The following VRK2 variants were observed in gnomAD, a reference collection of about 807,000 sequenced individuals.
VRK2 encodes serine/threonine-protein kinase VRK2.
In VRK2, 60 loss-of-function variants were observed where a neutral mutation model predicts 57.6. The observed-to-expected ratio is 1.04, with a 90% CI of 0.85 to 1.29. The LOEUF (loss-of-function observed/expected upper bound fraction) is 1.29. VRK2 is among the 50% of genes most tolerant of loss of function. The pLI, the probability that VRK2 is intolerant of heterozygous loss-of-function variation, is 0.00. For synonymous variants in VRK2, 231 were observed against 199.2 expected (o/e 1.16, Z -1.35); for missense variants, 705 against 588.1 (o/e 1.20, Z -2.06).
At chr2:58,051,745 A>T (rs1366662960) in intron 2 of VRK2, among the ~76,000 whole-genome samples, 1 of 152,204 alleles carries the variant, frequency 6.6e-6, no homozygotes. Flanking sequence ...GCCTTTCGGT[A>T]ATCAGCAGCT....
intron 1 of VRK2, among the ~76,000 whole-genome samples, chr2:57,995,337 C>T (rs1672891961): frequency 6.6e-6 from 1 of 152,192 alleles, no homozygotes; most frequent in African/African-American, 2.4e-5. Context: ...CACCACCAAT[C>T]TCAATAGAAA....
At chr2:58,109,864 A>AAT (rs1036146514) in intron 7 of VRK2, among the ~76,000 whole-genome samples, 8 of 151,642 alleles carry the variant, frequency 5.3e-5, no homozygotes, top group Non-Finnish European at 8.8e-5. Context: ...TCTGTATGTA[A>AAT]ATATATATAT....
chr2:58,038,982 T>C (rs1193179554), intron 3 of VRK2, among the ~76,000 whole-genome samples: 1 of 152,138 alleles, frequency 6.6e-6, no homozygotes, highest in Non-Finnish European at 1.5e-5. Context: ...ATGATACATC[T>C]ACACTATGGA....
At chr2:58,130,931 G>C (rs990308257) in intron 8 of VRK2, among the ~76,000 whole-genome samples, 2 of 151,800 alleles carry the variant, frequency 1.3e-5, no homozygotes, top group Admixed American at 1.3e-4. Context: ...ACATTTCCTA[G>C]GTTTCATTGT....
At chr2:57,974,932 T>C (rs1006633173) in intron 1 of VRK2, among the ~76,000 whole-genome samples, 3 of 151,876 alleles carry the variant, frequency 2.0e-5, no homozygotes, top group Non-Finnish European at 2.9e-5. Context: ...ATGAAAGAAT[T>C]GATCATCTCA....
At chr2:57,933,645 T>A (rs1235630998) in intron 1 of VRK2, among the ~76,000 whole-genome samples, 1 of 127,678 alleles carries the variant, frequency 7.8e-6, no homozygotes, top group East Asian at 2.3e-4. Context: ...TCTTAGCCTG[T>A]AGTTGAGTTT....
intron 2 of VRK2, among the ~76,000 whole-genome samples, chr2:58,029,959 CTAGT>C (rs1396630785): frequency 6.6e-6 from 1 of 152,130 alleles, no homozygotes; most frequent in Non-Finnish European, 1.5e-5. Flanking sequence ...TCTTCAGAGG[CTAGT>C]TATTTAAATT....
intron 1 of VRK2, among the ~76,000 whole-genome samples, chr2:57,961,996 G>A (rs1671776314): frequency 2.0e-5 from 3 of 152,176 alleles, no homozygotes; most frequent in African/African-American, 7.2e-5. Flanking sequence ...AGGATCGTTT[G>A]AGCCCAAGAG....
intron 10 of VRK2, among the ~76,000 whole-genome samples, chr2:58,137,224 C>CATATATATGATACATGTATCAT (rs147019487): frequency 2.3e-3 from 148 of 65,088 alleles, no homozygotes; most frequent in Middle Eastern, 0.012. Context: ...ACATATATAT[C>CATATATATGATACATGTATCAT]ATATGATACA....
intron 11 of VRK2, 51 bp downstream of exon 11, chr2:58,139,883 C>T: frequency 6.7e-7 from 1 of 1,481,700 alleles, no homozygotes; most frequent in African/African-American, 1.4e-5. Context: ...TGATACTTTT[C>T]TATCGAATGA....
At chr2:58,095,809 A>G (rs1024092997) in intron 7 of VRK2, among the ~76,000 whole-genome samples, 17 of 152,096 alleles carry the variant, frequency 1.1e-4, no homozygotes, top group Non-Finnish European at 1.6e-4. Flanking sequence ...AAGAAATGTA[A>G]TCATCTTTTA....
rs769295206 is a variant in VRK2 at position 58,081,588 on chromosome 2, A to AT, written c.137-2498dup. 8.6e-5 allele frequency among the ~76,000 whole-genome samples: 13 copies of AT among 151,808 alleles called. No individual in the cohort carries two copies. The East Asian group carries it at 1.2e-3, about 14-fold the overall frequency. On this transcript the variant is annotated intron_variant, in intron 2 of 12. Coordinates refer to ENST00000340157, the MANE Select transcript of VRK2 (RefSeq NM_006296.7). ...TGTTATTTTAGCATTTACCCTTAAA[A>AT]TTTCAAGGTATTCATTCTATTTAAC...
At chr2:57,930,358 T>C (rs541213021) in intron 1 of VRK2, among the ~76,000 whole-genome samples, 5 of 152,156 alleles carry the variant, frequency 3.3e-5, no homozygotes, top group African/African-American at 1.2e-4. Context: ...TGAGTTCCAA[T>C]GCAAAATTCC....
At chr2:57,943,240 C>T (rs971421332) in intron 1 of VRK2, among the ~76,000 whole-genome samples, 1 of 152,290 alleles carries the variant, frequency 6.6e-6, no homozygotes, top group South Asian at 2.1e-4. Flanking sequence ...ATCCAGCAGA[C>T]CACACCACTA....
rs1406022254 is a variant in VRK2 at position 58,137,181 on chromosome 2, TCATATATGATA to T, written c.856+1990_856+2000del. Among the ~76,000 whole-genome samples, 4 of 44,532 alleles carry T rather than the reference TCATATATGATA, an allele frequency of 9.0e-5. 1 individual carries two copies. Among genetic ancestry groups the T allele is most frequent in the African/African-American group, 3.9e-4 (4 of 10,304 alleles). The allele number at this position is 44,532 out of a possible 152,430, so 29.2% of individuals were successfully genotyped here. A position where few individuals can be genotyped will look rare whatever the true frequency, so the allele number is the denominator to read the frequency against. Reference sequence around the variant, plus strand: ...TTATATATATCATATATCATATATATCATATATGATACATATATATCTCATATATGATACAT... The same window carrying T: ...TTATATATATCATATATCATATATATCATATATATCTCATATATGATACAT... On this transcript the variant is annotated intron_variant, in intron 10 of 12. Transcript: ENST00000340157.
chr2:58,069,168 T>C (rs779195606), intron 2 of VRK2, among the ~76,000 whole-genome samples: 2 of 152,232 alleles, frequency 1.3e-5, no homozygotes, highest in East Asian at 1.9e-4. Context: ...TATTTTGTTT[T>C]AGCAGATAGT....
intron 12 of VRK2, among the ~76,000 whole-genome samples, chr2:58,151,893 T>C (rs1405592535): frequency 6.6e-6 from 1 of 151,386 alleles, no homozygotes; most frequent in Non-Finnish European, 1.5e-5. Flanking sequence ...ATATTGTATT[T>C]GATTGCTTTT....
intron 2 of VRK2, among the ~76,000 whole-genome samples, chr2:58,075,131 G>A (rs1669906679): frequency 6.6e-6 from 1 of 152,060 alleles, no homozygotes; most frequent in African/African-American, 2.4e-5. Context: ...GCTTATAAGT[G>A]AGGACATGCA....
At chr2:58,083,941 T>A in intron 2 of VRK2, 148 bp from the exon 3 acceptor site, 1 of 728,076 alleles carries the variant, frequency 1.4e-6, no homozygotes, top group South Asian at 3.1e-5. Context: ...AAAATGGAGA[T>A]GATTGATTCC....
Sources: allele counts gnomAD v4.1 joint callset (sites outside exome capture counted in the v4.1 genomes callset), GRCh38; gene constraint gnomAD v4.1.1; transcripts MANE v1.5; gene names NCBI Gene and HGNC (gene_info 2026-07-23, HGNC 2026-07-21).